CACNA1B: variants seen among roughly 807,000 people sequenced by gnomAD.
The protein encoded by CACNA1B is voltage-dependent N-type calcium channel subunit alpha-1B.
CACNA1B carries 70 observed loss-of-function variants against 247.2 expected under a neutral mutation model. The observed-to-expected ratio is 0.28, with a 90% CI of 0.23 to 0.35. The LOEUF is 0.35. Ranked by LOEUF, CACNA1B falls within the 10% of genes least tolerant of loss-of-function variation. The pLI is 1.00. For synonymous variants in CACNA1B, 1,231 were observed against 1,294.4 expected, an observed-to-expected ratio of 0.95 and a Z score of 1.05; for missense variants, 2,367 against 3,197.4, an observed-to-expected ratio of 0.74 and a Z score of 6.26.
chr9:137,993,341 A>G (rs1194902313), intron 15 of CACNA1B, among the ~76,000 whole-genome samples: 1 of 150,454 alleles, frequency 6.6e-6, no homozygotes, highest in Non-Finnish European at 1.5e-5. Context: ...TTGTCTATCT[A>G]GATTAAATTT....
At chr9:138,093,407 A>G in intron 36 of CACNA1B, among the ~76,000 whole-genome samples, 1 of 146,082 alleles carries the variant, frequency 6.8e-6, no homozygotes, top group Admixed American at 6.7e-5. Flanking sequence ...CTGTCTCAAA[A>G]AAAAAAAAAA....
At chr9:138,076,785 A>G (rs1181785889) in intron 35 of CACNA1B, among the ~76,000 whole-genome samples, 1 of 152,234 alleles carries the variant, frequency 6.6e-6, no homozygotes, top group Non-Finnish European at 1.5e-5. Context: ...CCATGTGTGC[A>G]AATGCACTGG....
intron 20 of CACNA1B, among the ~76,000 whole-genome samples, chr9:138,028,518 C>T (rs1311547030): frequency 2.0e-5 from 3 of 152,184 alleles, no homozygotes; most frequent in Non-Finnish European, 4.4e-5. Flanking sequence ...TAGATACCTC[C>T]TTTATTGAAA....
chr9:137,884,172 G>T (rs1438202747), intron 3 of CACNA1B, among the ~76,000 whole-genome samples: 2 of 152,230 alleles, frequency 1.3e-5, no homozygotes, highest in South Asian at 2.1e-4. Flanking sequence ...GGGCTTGGGG[G>T]TGTCGCATGG....
At chr9:138,001,003 G>C (rs1958570793) in intron 15 of CACNA1B, among the ~76,000 whole-genome samples, 1 of 151,074 alleles carries the variant, frequency 6.6e-6, no homozygotes, top group Non-Finnish European at 1.5e-5. Flanking sequence ...TTGTTATTTT[G>C]GTGTTTTTTT....
chr9:137,925,811 C>T (rs576818091), intron 6 of CACNA1B, among the ~76,000 whole-genome samples: 3 of 142,152 alleles, frequency 2.1e-5, no homozygotes, highest in African/African-American at 5.3e-5. Flanking sequence ...GGTGCAATCT[C>T]GGCTCACTGC....
At chr9:138,106,051 C>A (rs1322579540) in intron 39 of CACNA1B, among the ~76,000 whole-genome samples, 1 of 152,184 alleles carries the variant, frequency 6.6e-6, no homozygotes, top group East Asian at 1.9e-4. Flanking sequence ...GGTGAGATTT[C>A]ATAAATTGCC....
rs893028739 is a variant in CACNA1B, at chr9:137,970,009, G to A, written c.1334-1374G>A. ...CACAGAAAATGCACATAGCACACGAGCTATGAGAGCCACTGAGAGCCTGGG... is the reference window on the plus strand; with the variant it reads ...CACAGAAAATGCACATAGCACACGAACTATGAGAGCCACTGAGAGCCTGGG... On this transcript the variant is annotated intron_variant, in intron 10 of 46. Transcript: ENST00000371372. 4.6e-5 allele frequency among the ~76,000 whole-genome samples: 7 copies of A among 151,884 alleles called. No individual in the cohort carries two copies. The East Asian group carries it at 7.8e-4, about 17-fold the overall frequency.
chr9:137,974,625 G>C lies in CACNA1B; in HGVS notation c.1544-1282G>C, dbSNP rs1404002381. On this transcript the variant is annotated intron_variant, in intron 11 of 46. Transcript: ENST00000371372. The surrounding 1 kb of genome is among the most constrained non-coding windows in gnomAD (Gnocchi z 4.5). Reference sequence around the variant, plus strand: ...GTGCAGCACAGCCCTTGGTGGAGGAGATTTTAGGAGCATAGGGGTGGGAAG... The same window carrying C: ...GTGCAGCACAGCCCTTGGTGGAGGACATTTTAGGAGCATAGGGGTGGGAAG... Among the ~76,000 whole-genome samples the C allele has an allele frequency of 6.6e-6, 1 of 152,162 alleles. No homozygotes were observed. The highest frequency in any genetic ancestry group is 1.5e-5 in the Non-Finnish European group (1 of 68,024).
At chr9:138,022,533 G>A (rs1321306974) in intron 18 of CACNA1B, among the ~76,000 whole-genome samples, 2 of 151,970 alleles carry the variant, frequency 1.3e-5, no homozygotes, top group African/African-American at 4.8e-5. Flanking sequence ...GGGGCCGCGT[G>A]TCCCGCCCTT....
intron 15 of CACNA1B, among the ~76,000 whole-genome samples, chr9:137,998,439 A>G (rs578235734): frequency 3.3e-5 from 5 of 152,202 alleles, no homozygotes; most frequent in African/African-American, 9.6e-5. Flanking sequence ...GTGAAACCCC[A>G]TCTTTACTAA....
At chr9:138,002,513 C>T (rs1266483938) in intron 15 of CACNA1B, among the ~76,000 whole-genome samples, 2 of 142,594 alleles carry the variant, frequency 1.4e-5, no homozygotes, top group Non-Finnish European at 3.0e-5. Flanking sequence ...AGTTCAAGGT[C>T]AGCCTGGGCA....
intron 36 of CACNA1B, among the ~76,000 whole-genome samples, chr9:138,088,569 C>G (rs1960776920): frequency 6.6e-6 from 1 of 151,810 alleles, no homozygotes; most frequent in Admixed American, 6.6e-5. Context: ...TGGATAAATT[C>G]CTGGATGCAT....
chr9:137,972,032 G>T (rs753055452), intron 11 of CACNA1B, among the ~76,000 whole-genome samples: 1 of 152,134 alleles, frequency 6.6e-6, no homozygotes, highest in African/African-American at 2.4e-5. Flanking sequence ...GTTCCTGAGG[G>T]GGGAGTCCTG....
At chr9:138,088,052 GA>G (rs1389127727) in intron 36 of CACNA1B, among the ~76,000 whole-genome samples, 2 of 151,980 alleles carry the variant, frequency 1.3e-5, no homozygotes, top group East Asian at 3.9e-4. Flanking sequence ...ATATTGAGAT[GA>G]AAACATTACA....
chr9:138,058,355 A>G lies in CACNA1B; in HGVS notation c.4308+105A>G. The G allele has an allele frequency of 9.2e-7, 1 of 1,089,834 alleles. No homozygotes were observed. Among genetic ancestry groups the G allele is most frequent in the Non-Finnish European group, 1.4e-6 (1 of 725,426 alleles). The allele number at this position is 1,089,834 out of a possible 1,614,324, so 67.5% of individuals were successfully genotyped here. A position where few individuals can be genotyped will look rare whatever the true frequency, so the allele number is the denominator to read the frequency against. ...CACAGCTGGGTCAGCTTTGGCTGCC[A>G]CCGTCTGCCAACACAGGGGCAGGTC... On this transcript the variant is annotated intron_variant, in intron 28 of 46. Transcript: ENST00000371372. This position sits in a 1 kb window ranked among gnomAD's most constrained non-coding sequence, Gnocchi z 4.7.
chr9:137,999,213 A>T (rs1250648845), intron 15 of CACNA1B, among the ~76,000 whole-genome samples: 1 of 150,454 alleles, frequency 6.6e-6, no homozygotes, highest in Non-Finnish European at 1.5e-5. Flanking sequence ...AGCTTGGGTG[A>T]CAGAGTGAGA....
rs530392906 is a variant in CACNA1B at position 137,908,242 on chromosome 9, G to A, written c.531-4938G>A. ...AAAAACAACTTTACTGAGGCTGGGC[G>A]CGGTGGCTCACGCCTGTAATCCCAG... On this transcript the variant is annotated intron_variant, in intron 3 of 46. Transcript: ENST00000371372. Among the ~76,000 whole-genome samples, 206 of 152,280 alleles carry A rather than the reference G, an allele frequency of 1.4e-3. 1 individual carries two copies. The highest frequency in any genetic ancestry group is 4.8e-3 in the African/African-American group (199 of 41,562).
chr9:138,120,939 C>G, intron 46 of CACNA1B, 58 bp downstream of exon 46: 2 of 1,510,322 alleles, frequency 1.3e-6, no homozygotes, highest in Non-Finnish European at 1.8e-6. Flanking sequence ...CCCAGCACCC[C>G]TGTCCCACAG....
Sources: gnomAD v4.1 joint callset for allele counts (sites outside exome capture counted in the v4.1 genomes callset) on GRCh38, gnomAD v4.1.1 for gene constraint, Gnocchi (gnomAD v3.1) non-coding constraint, MANE v1.5 for transcripts, NCBI Gene and HGNC (gene_info 2026-07-23, HGNC 2026-07-21) for gene names.